Variants in KHDRBS3 observed in about 807,000 individuals in gnomAD.
KHDRBS3 encodes KH domain-containing, RNA-binding, signal transduction-associated protein 3.
A neutral mutation model predicts 45.6 loss-of-function variants in KHDRBS3; 23 were observed. The observed-to-expected ratio is 0.50, with a 90% CI of 0.36 to 0.72. The LOEUF (loss-of-function observed/expected upper bound fraction) is 0.72, where lower values mean the gene tolerates loss of function less well. Among genes scored for constraint, KHDRBS3 ranks in the 30% least tolerant of loss-of-function variants. The pLI is 0.00. For synonymous variants in KHDRBS3, 162 were observed against 156.5 expected (o/e 1.04, Z -0.26); for missense variants, 352 against 424.8 (o/e 0.83, Z 1.51).
At position 135,458,992 on chromosome 8, in the gene KHDRBS3, A is replaced by C. The variant is rs1246357438; in HGVS notation, c.88+1038A>C. On this transcript the variant is annotated intron_variant, in intron 1 of 8. Transcript: ENST00000355849. ...TCAGATGAAGATGGGTGTGGGTGCC[A>C]CTGGTCTGTCTTTTCTCTGGGAAAT... 1.5e-5 allele frequency: 7 copies of C among 456,006 alleles called. No homozygotes were observed. In the East Asian group the frequency reaches 4.9e-4, roughly 32 times the overall value. The allele number at this position is 456,006 out of a possible 1,614,324, so 28.2% of individuals were successfully genotyped here. A position where few individuals can be genotyped will look rare whatever the true frequency, so the allele number is the denominator to read the frequency against.
At chr8:135,500,015 G>A (rs144168304) in intron 1 of KHDRBS3, among the ~76,000 whole-genome samples, 7 of 152,182 alleles carry the variant, frequency 4.6e-5, no homozygotes, top group Middle Eastern at 3.4e-3. Context: ...ACTATATAAT[G>A]GCTATAATTA....
At chr8:135,553,273 T>C (rs1826704791) in intron 4 of KHDRBS3, among the ~76,000 whole-genome samples, 1 of 152,172 alleles carries the variant, frequency 6.6e-6, no homozygotes, top group Admixed American at 6.5e-5. Context: ...ATTTTCAGTT[T>C]ATTGTGTACC....
intron 4 of KHDRBS3, among the ~76,000 whole-genome samples, chr8:135,654,997 C>T (rs964319803): frequency 6.6e-6 from 1 of 152,154 alleles, no homozygotes; most frequent in Non-Finnish European, 1.5e-5. Context: ...TCTGACCTGC[C>T]GGTTGATGGG....
At chr8:135,496,127 A>G (rs968846806) in intron 1 of KHDRBS3, among the ~76,000 whole-genome samples, 9 of 146,676 alleles carry the variant, frequency 6.1e-5, no homozygotes, top group Non-Finnish European at 1.3e-4. Flanking sequence ...ATATATGGGC[A>G]TGGATCTAGT....
chr8:135,521,274 A>G lies in KHDRBS3; in HGVS notation c.126A>G (p.Glu42=), dbSNP rs1334789767. 2.5e-6 allele frequency: 4 copies of G among 1,613,446 alleles called. No individual in the cohort carries two copies. The highest frequency in any genetic ancestry group is 2.5e-6 in the Non-Finnish European group (3 of 1,179,412). ...TTCAAAAAGGAGAAGGCAAGGATGA[A>G]GAAAAGTACATCGATGTGGTGATTA... is the stretch of plus-strand genomic sequence containing the variant. ...EKFQKGEGKD[E]EKYIDVVINK... The change falls in exon 2 of 9, where the codon GAA becomes GAG. Residue 42 remains glutamate, a synonymous_variant. Coordinates refer to ENST00000355849, the MANE Select transcript of KHDRBS3 (RefSeq NM_006558.3).
Position 135,638,731 on chromosome 8 carries a change from C to T in KHDRBS3, c.891-6328C>T, listed in dbSNP as rs562288732. 5.3e-4 allele frequency among the ~76,000 whole-genome samples: 80 copies of T among 152,240 alleles called. 1 individual carries two copies. The highest frequency in any genetic ancestry group is 5.2e-4 in the Admixed American group (8 of 15,294). On this transcript the variant is annotated intron_variant, in intron 7 of 8. Transcript: ENST00000355849. ...TTGGGAGGCCCAGGCAGGCACATCA[C>T]GAGGTCAGGAGATTGAGACCATCCT...
chr8:135,545,468 G>A (rs1826249110), intron 3 of KHDRBS3, among the ~76,000 whole-genome samples: 1 of 152,102 alleles, frequency 6.6e-6, no homozygotes, highest in South Asian at 2.1e-4. Flanking sequence ...TTTATTCTTA[G>A]GTTTTCACTG....
At chr8:135,582,486 A>T (rs1450857327) in intron 6 of KHDRBS3, among the ~76,000 whole-genome samples, 1 of 152,222 alleles carries the variant, frequency 6.6e-6, no homozygotes, top group Non-Finnish European at 1.5e-5. Flanking sequence ...TCTGCTGAGT[A>T]TGGATTCTTA....
rs1016144667 is a variant in KHDRBS3 at position 135,457,684 on chromosome 8, G to C, written c.-183G>C. ...TCGGCGGCCACCGGGGATCGGGGCT[G>C]AGCGGTCGGTTCCCGCCCCCGTGCC... On this transcript the variant is annotated 5_prime_UTR_variant, in exon 1 of 9. Coordinates refer to ENST00000355849, the MANE Select transcript of KHDRBS3 (RefSeq NM_006558.3). This position sits in a 1 kb window ranked among gnomAD's most constrained non-coding sequence, Gnocchi z 4.4. 5 of 151,904 alleles carry C rather than the reference G, an allele frequency of 3.3e-5. No homozygotes were observed. Among genetic ancestry groups the C allele is most frequent in the African/African-American group, 1.2e-4 (5 of 40,932 alleles). 9.4% of individuals were successfully genotyped at this position (151,904 alleles called of 1,614,324 possible).
At chr8:135,607,415 T>C (rs1829513650) in intron 7 of KHDRBS3, among the ~76,000 whole-genome samples, 1 of 152,210 alleles carries the variant, frequency 6.6e-6, no homozygotes, top group Non-Finnish European at 1.5e-5. Context: ...TGTCAAAAGT[T>C]TTGTTTCCTA....
chr8:135,592,602 G>A (rs979386007), intron 6 of KHDRBS3, among the ~76,000 whole-genome samples: 1 of 152,154 alleles, frequency 6.6e-6, no homozygotes, highest in African/African-American at 2.4e-5. Flanking sequence ...GTCTAAGAAG[G>A]AACATAATGT....
chr8:135,600,791 C>T (rs1038107714), intron 6 of KHDRBS3, among the ~76,000 whole-genome samples: 1 of 152,198 alleles, frequency 6.6e-6, no homozygotes, highest in African/African-American at 2.4e-5. Flanking sequence ...CTCCGCCTCC[C>T]GGGTTCAAGC....
At chr8:135,606,913 A>G in intron 6 of KHDRBS3, 42 bp from the exon 7 acceptor site, 1 of 1,485,858 alleles carries the variant, frequency 6.7e-7, no homozygotes, top group Non-Finnish European at 9.3e-7. Flanking sequence ...TCTTTTTAGA[A>G]ACTTCTCTGA....
chr8:135,575,681 A>G (rs1827916844), intron 5 of KHDRBS3, among the ~76,000 whole-genome samples: 1 of 152,304 alleles, frequency 6.6e-6, no homozygotes, highest in East Asian at 1.9e-4. Flanking sequence ...GTATTTTAGA[A>G]CAGTTGTGGC....
At chr8:135,555,746 G>GT (rs1202396679) in intron 4 of KHDRBS3, among the ~76,000 whole-genome samples, 1 of 151,932 alleles carries the variant, frequency 6.6e-6, no homozygotes, top group Non-Finnish European at 1.5e-5. Context: ...TTTAAAATTT[G>GT]TTTTTTATTA....
intron 5 of KHDRBS3, among the ~76,000 whole-genome samples, chr8:135,559,117 G>C (rs1339222917): frequency 6.6e-6 from 1 of 151,710 alleles, no homozygotes; most frequent in Non-Finnish European, 1.5e-5. Context: ...AATCACATCT[G>C]TAAAATTTCT....
At chr8:135,618,337 A>G (rs571664809) in intron 7 of KHDRBS3, among the ~76,000 whole-genome samples, 12 of 152,192 alleles carry the variant, frequency 7.9e-5, no homozygotes, top group African/African-American at 2.9e-4. Context: ...AACCTGTTGG[A>G]TAGATAGTAA....
intron 7 of KHDRBS3, among the ~76,000 whole-genome samples, chr8:135,624,620 G>A (rs867175621): frequency 1.1e-4 from 17 of 152,284 alleles, no homozygotes; most frequent in Middle Eastern, 6.8e-3. Context: ...CAACTTTTTA[G>A]ACCAAAGTCT....
chr8:135,581,367 A>G (rs955051353), intron 5 of KHDRBS3, among the ~76,000 whole-genome samples: 1 of 152,208 alleles, frequency 6.6e-6, no homozygotes, highest in African/African-American at 2.4e-5. Flanking sequence ...ATGTTGTTTT[A>G]TTACCATGTG....
Sources: gnomAD v4.1 joint callset for allele counts (sites outside exome capture counted in the v4.1 genomes callset) on GRCh38, gnomAD v4.1.1 for gene constraint, Gnocchi (gnomAD v3.1) non-coding constraint, MANE v1.5 for transcripts, NCBI Gene and HGNC (gene_info 2026-07-23, HGNC 2026-07-21) for gene names.